The following DOCK3 variants were observed in gnomAD, a reference collection of about 807,000 sequenced individuals.
The protein encoded by DOCK3 is dedicator of cytokinesis 3.
A neutral mutation model predicts 265.6 loss-of-function variants in DOCK3; 60 were observed. The observed-to-expected ratio is 0.23, with a 90% CI of 0.18 to 0.28. The LOEUF is 0.28. DOCK3 is among the 10% of genes least tolerant of loss of function. The pLI is 1.00. For synonymous variants in DOCK3, 881 were observed against 938.0 expected, an observed-to-expected ratio of 0.94 and a Z score of 1.11; for missense variants, 1,981 against 2,594.3, an observed-to-expected ratio of 0.76 and a Z score of 5.14.
chr3:51,257,803 A>G (rs963312658), intron 22 of DOCK3, among the ~76,000 whole-genome samples: 4 of 152,222 alleles, frequency 2.6e-5, no homozygotes, highest in African/African-American at 7.2e-5. Flanking sequence ...TAAACCTTGA[A>G]CAAATTCCAC....
chr3:51,207,867 G>A (rs2089301465), intron 12 of DOCK3, among the ~76,000 whole-genome samples: 1 of 152,114 alleles, frequency 6.6e-6, no homozygotes, highest in South Asian at 2.1e-4. Flanking sequence ...GGACGGGGTA[G>A]AACCAGGGCT....
At chr3:51,339,392 C>CT (rs1342686986) in intron 37 of DOCK3, among the ~76,000 whole-genome samples, 1 of 152,188 alleles carries the variant, frequency 6.6e-6, no homozygotes, top group Non-Finnish European at 1.5e-5. Context: ...TTTTTTAGGA[C>CT]TTTCAAAGCT....
At chr3:51,257,380 A>G (rs911250806) in intron 22 of DOCK3, among the ~76,000 whole-genome samples, 1 of 152,232 alleles carries the variant, frequency 6.6e-6, no homozygotes, top group Non-Finnish European at 1.5e-5. Flanking sequence ...TTTTGATTCA[A>G]TATATCTTTC....
At chr3:51,358,443 T>G (rs963809095) in intron 46 of DOCK3, among the ~76,000 whole-genome samples, 1 of 152,190 alleles carries the variant, frequency 6.6e-6, no homozygotes, top group Non-Finnish European at 1.5e-5. Flanking sequence ...CCTAAAGAGA[T>G]AGGCATGGCC....
intron 27 of DOCK3, among the ~76,000 whole-genome samples, chr3:51,296,485 T>G (rs1425506878): frequency 6.6e-6 from 1 of 151,860 alleles, no homozygotes; most frequent in Non-Finnish European, 1.5e-5. Context: ...ATTGGTTTTT[T>G]TTTTTTTTTG....
chr3:50,765,917 C>G (rs997222978), intron 1 of DOCK3, among the ~76,000 whole-genome samples: 9 of 152,164 alleles, frequency 5.9e-5, no homozygotes, highest in African/African-American at 2.2e-4. Context: ...TTCCCCATCC[C>G]TTAACCACCC....
At chr3:51,159,135 C>T in intron 10 of DOCK3, 109 bp from the exon 11 acceptor site, 1 of 986,278 alleles carries the variant, frequency 1.0e-6, no homozygotes, top group Non-Finnish European at 1.6e-6. Flanking sequence ...TGTAATCTCC[C>T]TTCCCCTGCC....
chr3:50,973,141 T>C (rs1286320312), intron 5 of DOCK3, among the ~76,000 whole-genome samples: 1 of 148,222 alleles, frequency 6.7e-6, no homozygotes, highest in Non-Finnish European at 1.5e-5. Context: ...CTTTTTTTTT[T>C]TCTTTTATTA....
chr3:50,882,624 T>C (rs999623897), intron 3 of DOCK3, among the ~76,000 whole-genome samples: 3 of 151,998 alleles, frequency 2.0e-5, no homozygotes, highest in Non-Finnish European at 4.4e-5. Context: ...ACAACAGGTA[T>C]TGGAGAAGTT....
intron 2 of DOCK3, among the ~76,000 whole-genome samples, chr3:50,790,427 G>T (rs1436280855): frequency 6.8e-6 from 1 of 146,194 alleles, no homozygotes; most frequent in African/African-American, 2.5e-5. Context: ...CCTTTAAGGA[G>T]GTTCTATTTT....
intron 2 of DOCK3, among the ~76,000 whole-genome samples, chr3:50,786,257 C>T (rs971803088): frequency 4.6e-5 from 7 of 151,852 alleles, no homozygotes; most frequent in African/African-American, 7.3e-5. Flanking sequence ...TTTCTTTAAT[C>T]AGCTGATATG....
rs2078860224 is a variant in DOCK3 at position 51,246,734 on chromosome 3, T to C, written c.2111T>C (p.Ile704Thr). The change falls in exon 22 of 53, where the codon ATC becomes ACC. Residue 704 changes from isoleucine to threonine, a missense_variant. Around this residue, in one of 4 missense-constraint regions of DOCK3, gnomAD observed 1,357 missense variants for 1,866.8 expected, o/e 0.73. Coordinates refer to ENST00000266037, the MANE Select transcript of DOCK3 (RefSeq NM_004947.5). ...FAGALAYKELIRCLKWYMDCS... is the reference protein window; with the variant it reads ...FAGALAYKELTRCLKWYMDCS... Reference sequence around the variant, plus strand: ...ACTGTTCTCTTTCCCAGGGAGCTCATCCGCTGTTTGAAGTGGTATATGGAC... The same window carrying C: ...ACTGTTCTCTTTCCCAGGGAGCTCACCCGCTGTTTGAAGTGGTATATGGAC... The C allele has an allele frequency of 1.2e-6, 2 of 1,613,044 alleles. No homozygotes were observed. Among genetic ancestry groups the C allele is most frequent in the South Asian group, 2.2e-5 (2 of 90,784 alleles).
intron 9 of DOCK3, among the ~76,000 whole-genome samples, chr3:51,131,545 T>C (rs1250670525): frequency 1.3e-5 from 2 of 152,190 alleles, no homozygotes; most frequent in Non-Finnish European, 2.9e-5. Context: ...TTCGGGGCCA[T>C]GATTCTCTGT....
intron 5 of DOCK3, among the ~76,000 whole-genome samples, chr3:51,011,757 A>G (rs897014794): frequency 1.3e-5 from 2 of 151,964 alleles, no homozygotes; most frequent in African/African-American, 4.8e-5. Flanking sequence ...TTGTGGTTTT[A>G]CCTACCTTTG....
At chr3:51,077,381 C>G (rs1434297294) in intron 7 of DOCK3, among the ~76,000 whole-genome samples, 1 of 152,004 alleles carries the variant, frequency 6.6e-6, no homozygotes, top group Non-Finnish European at 1.5e-5. Flanking sequence ...TTAAAAGATG[C>G]CTTTGCTTGC....
intron 5 of DOCK3, among the ~76,000 whole-genome samples, chr3:51,028,355 A>AT (rs927888403): frequency 8.1e-5 from 12 of 148,750 alleles, no homozygotes; most frequent in East Asian, 4.0e-4. Flanking sequence ...TAGTTTTAAG[A>AT]TTTTTTTTTT....
At chr3:51,130,913 G>T (rs2084500529) in intron 9 of DOCK3, among the ~76,000 whole-genome samples, 1 of 152,110 alleles carries the variant, frequency 6.6e-6, no homozygotes, top group African/African-American at 2.4e-5. Flanking sequence ...TCACGGTGTT[G>T]CCCAGGCTGG....
chr3:50,878,751 A>T (rs2047857416), intron 3 of DOCK3, among the ~76,000 whole-genome samples: 1 of 152,216 alleles, frequency 6.6e-6, no homozygotes, highest in Non-Finnish European at 1.5e-5. Flanking sequence ...AGGCAGGCCA[A>T]CATTCAAATT....
At chr3:50,937,830 G>A (rs1052926747) in intron 5 of DOCK3, among the ~76,000 whole-genome samples, 1 of 151,714 alleles carries the variant, frequency 6.6e-6, no homozygotes, top group Non-Finnish European at 1.5e-5. Flanking sequence ...AATAAGAAAG[G>A]GGAAATAGAG....
Sources: allele counts gnomAD v4.1 joint callset (sites outside exome capture counted in the v4.1 genomes callset), GRCh38; gene constraint gnomAD v4.1.1; regional missense constraint gnomAD v4.1.1; transcripts MANE v1.5; gene names NCBI Gene and HGNC (gene_info 2026-07-23, HGNC 2026-07-21).